Variants in AFDN observed in about 807,000 individuals in gnomAD.
AFDN encodes afadin, adherens junction formation factor.
AFDN carries 68 observed loss-of-function variants against 216.6 expected under a neutral mutation model. The ratio of observed to expected loss-of-function variants is 0.31; its 90% CI spans 0.26 to 0.38. The LOEUF (loss-of-function observed/expected upper bound fraction) is 0.38. Ranked by LOEUF, AFDN falls within the 10% of genes least tolerant of loss-of-function variation. The pLI is 1.00. For missense variants in AFDN, 2,136 were observed against 2,342.0 expected (o/e 0.91, Z 1.82); for synonymous variants, 868 against 853.7 (o/e 1.02, Z -0.29).
chr6:167,910,965 A>C (rs532591823), intron 13 of AFDN, 136 bp from the exon 14 acceptor site: 1 of 713,844 alleles, frequency 1.4e-6, no homozygotes, highest in African/African-American at 1.8e-5. Context: ...TCTGAAAACA[A>C]GGGATATTTT....
At chr6:167,871,779 T>C (rs1246992033) in intron 3 of AFDN, among the ~76,000 whole-genome samples, 1 of 152,236 alleles carries the variant, frequency 6.6e-6, no homozygotes. Flanking sequence ...TAAAAACTAC[T>C]ATAGGCGATT....
chr6:167,864,810 A>G (rs2128228675), intron 2 of AFDN, 64 bp downstream of exon 2: 2 of 1,518,164 alleles, frequency 1.3e-6, no homozygotes, highest in East Asian at 4.5e-5. Flanking sequence ...CAGCTTGTCC[A>G]GGGTCATTGT....
At chr6:167,850,774 C>T (rs193025987) in intron 1 of AFDN, among the ~76,000 whole-genome samples, 1 of 152,142 alleles carries the variant, frequency 6.6e-6, no homozygotes. Context: ...TCTGTAGACA[C>T]CAAAACATTT....
chr6:167,951,376 C>T lies in AFDN; in HGVS notation c.4022C>T (p.Thr1341Ile). The T allele has an allele frequency of 1.2e-6, 2 of 1,614,196 alleles. No individual in the cohort carries two copies. The highest frequency in any genetic ancestry group is 1.7e-6 in the Non-Finnish European group (2 of 1,180,038). ...TCTAAGTCGGTCACCCCTGCTTCCA[C>T]ACTGACCAAAAGTGGCCCTGGCCGT... The part of the protein sequence containing the change: ...HSSKSVTPAS[T>I]LTKSGPGRWK... The change falls in exon 30 of 34, where the codon ACA (threonine) becomes ATA (isoleucine). Residue 1341 changes from threonine (T) to isoleucine (I), a missense_variant. Thr to Ile is a moderately conservative substitution (Grantham distance 89). Transcript: ENST00000683244. The surrounding 1 kb of genome is among the most constrained non-coding windows in gnomAD (Gnocchi z 7.1).
chr6:167,922,100 A>G (rs1352176172), intron 21 of AFDN, among the ~76,000 whole-genome samples: 1 of 152,236 alleles, frequency 6.6e-6, no homozygotes, highest in Non-Finnish European at 1.5e-5. Flanking sequence ...AGATGGCAGT[A>G]GAGAAAATGT....
At chr6:167,841,690 C>T (rs575954156) in intron 1 of AFDN, among the ~76,000 whole-genome samples, 1 of 152,220 alleles carries the variant, frequency 6.6e-6, no homozygotes, top group East Asian at 1.9e-4. Flanking sequence ...TGTAAAGTTT[C>T]CTATTCTTTG....
chr6:167,876,099 C>T (rs1010666248), intron 5 of AFDN, among the ~76,000 whole-genome samples: 6 of 152,182 alleles, frequency 3.9e-5, no homozygotes, highest in Non-Finnish European at 8.8e-5. Flanking sequence ...TGCATGGTCA[C>T]TTGCTTCTGC....
chr6:167,827,024 G>C lies in AFDN; in HGVS notation c.-109G>C. On this transcript the variant is annotated 5_prime_UTR_variant, in exon 1 of 34. Transcript: ENST00000683244. ...GGAGGCGGAGGCAGCCGCGGAGGCG[G>C]AGGCGGCCGGCGGGGGGTGGCGAGG... 1.8e-5 allele frequency: 6 copies of C among 336,658 alleles called. No individual in the cohort carries two copies. The highest frequency in any genetic ancestry group is 2.5e-5 in the Non-Finnish European group (6 of 237,084). 20.9% of individuals were successfully genotyped at this position (336,658 alleles called of 1,614,324 possible). A position where few individuals can be genotyped will look rare whatever the true frequency, so the allele number is the denominator to read the frequency against.
chr6:167,848,986 A>G (rs559617175), intron 1 of AFDN, among the ~76,000 whole-genome samples: 1 of 152,284 alleles, frequency 6.6e-6, no homozygotes, highest in Admixed American at 6.5e-5. Context: ...AGTGCCGCAT[A>G]GTGGTTGAAA....
At chr6:167,869,215 A>C (rs1583220388) in intron 2 of AFDN, among the ~76,000 whole-genome samples, 1 of 152,084 alleles carries the variant, frequency 6.6e-6, no homozygotes, top group East Asian at 1.9e-4. Flanking sequence ...TGATGTTTGG[A>C]TAGGGAGTCA....
chr6:167,969,662 A>G (rs1281175912), intron 33 of AFDN, 120 bp from the exon 34 acceptor site: 2 of 937,792 alleles, frequency 2.1e-6, no homozygotes, highest in African/African-American at 3.4e-5. Context: ...AAGAAAGGTT[A>G]TAGCACAATT....
At chr6:167,939,639 C>T (rs1026575352) in intron 23 of AFDN, among the ~76,000 whole-genome samples, 1 of 152,064 alleles carries the variant, frequency 6.6e-6, no homozygotes, top group African/African-American at 2.4e-5. Flanking sequence ...ATATTTGTTC[C>T]GTGAATGAAA....
At chr6:167,864,117 G>T (rs1049501672) in intron 1 of AFDN, among the ~76,000 whole-genome samples, 11 of 152,158 alleles carry the variant, frequency 7.2e-5, no homozygotes, top group African/African-American at 2.7e-4. Flanking sequence ...GAGTCTGGTG[G>T]ATCTGGGTCT....
At chr6:167,869,686 G>A (rs1396223648) in intron 2 of AFDN, among the ~76,000 whole-genome samples, 2 of 152,232 alleles carry the variant, frequency 1.3e-5, no homozygotes, top group Non-Finnish European at 2.9e-5. Context: ...GTAGGCCTCT[G>A]TGAGGTGGTC....
intron 1 of AFDN, among the ~76,000 whole-genome samples, chr6:167,846,961 G>A (rs1781765664): frequency 7.2e-6 from 1 of 138,932 alleles, no homozygotes; most frequent in African/African-American, 2.5e-5. Context: ...CCTGTCATCT[G>A]TACAATAAAA....
intron 30 of AFDN, among the ~76,000 whole-genome samples, chr6:167,958,319 A>AT (rs1796717861): frequency 6.6e-6 from 1 of 152,198 alleles, no homozygotes; most frequent in African/African-American, 2.4e-5. Context: ...GGTTCCAAGC[A>AT]TTTTGGATAA....
intron 23 of AFDN, among the ~76,000 whole-genome samples, chr6:167,934,114 A>G (rs1364942759): frequency 6.6e-6 from 1 of 152,150 alleles, no homozygotes; most frequent in Non-Finnish European, 1.5e-5. Context: ...CACACCTGCA[A>G]ATGTCGCGTG....
At chr6:167,907,099 TTG>T in intron 12 of AFDN, 70 bp from the exon 13 acceptor site, 1 of 1,124,502 alleles carries the variant, frequency 8.9e-7, no homozygotes, top group Non-Finnish European at 1.3e-6. Flanking sequence ...AGATCTCTGC[TTG>T]CAACGCTGAG....
intron 2 of AFDN, among the ~76,000 whole-genome samples, chr6:167,866,582 A>C (rs1784212290): frequency 6.6e-6 from 1 of 152,228 alleles, no homozygotes; most frequent in Non-Finnish European, 1.5e-5. Context: ...TGAAGCTTTC[A>C]TTTTATTCTT....
Sources: allele counts gnomAD v4.1 joint callset (sites outside exome capture counted in the v4.1 genomes callset), GRCh38; gene constraint gnomAD v4.1.1; non-coding constraint Gnocchi (gnomAD v3.1); transcripts MANE v1.5; gene names NCBI Gene and HGNC (gene_info 2026-07-23, HGNC 2026-07-21).